Variants in INPP4B observed in about 807,000 individuals in gnomAD.
INPP4B encodes the protein inositol polyphosphate 4-phosphatase type II.
Under a neutral mutation model 122.5 loss-of-function variants are expected in INPP4B, and 55 were observed. The ratio of observed to expected loss-of-function variants is 0.45; its 90% confidence interval spans 0.36 to 0.56. INPP4B has a LOEUF of 0.56. INPP4B is among the 20% of genes least tolerant of loss of function. INPP4B has a pLI of 0.00. For synonymous variants in INPP4B, 403 were observed against 388.7 expected, an observed-to-expected ratio of 1.04 and a Z score of -0.43; for missense variants, 1,000 against 1,097.7, an observed-to-expected ratio of 0.91 and a Z score of 1.26.
chr4:142,224,661 T>C (rs954825877), intron 12 of INPP4B, among the ~76,000 whole-genome samples: 2 of 152,128 alleles, frequency 1.3e-5, no homozygotes, highest in Non-Finnish European at 2.9e-5. Flanking sequence ...TAATATGAAA[T>C]GATAAAAATA....
intron 7 of INPP4B, among the ~76,000 whole-genome samples, chr4:142,322,953 T>G (rs531808070): frequency 2.0e-5 from 3 of 152,294 alleles, no homozygotes; most frequent in African/African-American, 7.2e-5. Flanking sequence ...AAAGAACTAT[T>G]GCTATAAAAT....
At chr4:142,803,964 C>A (rs1182489141) in intron 1 of INPP4B, among the ~76,000 whole-genome samples, 1 of 151,848 alleles carries the variant, frequency 6.6e-6, no homozygotes, top group African/African-American at 2.4e-5. Context: ...GAGGCTGAAG[C>A]AGGAGAATCG....
chr4:142,067,563 A>G (rs1213280280), intron 25 of INPP4B, among the ~76,000 whole-genome samples: 1 of 152,190 alleles, frequency 6.6e-6, no homozygotes, highest in Non-Finnish European at 1.5e-5. Flanking sequence ...AACCCATTGC[A>G]AGGAAGCTAA....
At chr4:142,096,616 T>C (rs1281542430) in intron 23 of INPP4B, among the ~76,000 whole-genome samples, 1 of 152,178 alleles carries the variant, frequency 6.6e-6, no homozygotes, top group African/African-American at 2.4e-5. Flanking sequence ...GAAGTGCTTC[T>C]AAAGATAGTA....
In INPP4B at chr4:142,112,643, C is replaced by T. The variant is rs762184783; in HGVS notation, c.2175G>A (p.Met725Ile). Residue 725 changes from methionine (M) to isoleucine (I), a missense_variant, in exon 22 of 26, where the codon ATG (methionine) becomes ATA (isoleucine). Coordinates refer to ENST00000262992, the MANE Select transcript of INPP4B (RefSeq NM_001101669.3). ...YVVEVKLPAR[M>I]FESLPLQIKE... ...TAATCTGTAGAGGTAGTGACTCAAA[C>T]ATTCTGGCTGGAAGCTTGACCTCTA... 5.0e-6 allele frequency: 8 copies of T among 1,612,884 alleles called. No homozygotes were observed. In the African/African-American group the frequency reaches 5.3e-5, roughly 11 times the overall value.
chr4:142,519,577 G>C (rs974281250), intron 2 of INPP4B, among the ~76,000 whole-genome samples: 3 of 152,068 alleles, frequency 2.0e-5, no homozygotes, highest in African/African-American at 7.2e-5. Context: ...GCTGTAGCAG[G>C]ACAGTTTAAA....
At chr4:142,040,762 G>A (rs1746945017) in intron 25 of INPP4B, among the ~76,000 whole-genome samples, 1 of 152,166 alleles carries the variant, frequency 6.6e-6, no homozygotes, top group Non-Finnish European at 1.5e-5. Context: ...ATAAAAGGAA[G>A]GAGACTAGTG....
At chr4:142,761,203 T>A (rs1409842522) in intron 1 of INPP4B, among the ~76,000 whole-genome samples, 1 of 151,578 alleles carries the variant, frequency 6.6e-6, no homozygotes, top group Admixed American at 6.6e-5. Context: ...CTAAAAAATA[T>A]CCACACCTTA....
At chr4:142,761,694 TAG>T (rs1405400943) in intron 1 of INPP4B, among the ~76,000 whole-genome samples, 2 of 152,140 alleles carry the variant, frequency 1.3e-5, no homozygotes, top group Non-Finnish European at 2.9e-5. Context: ...TTGACAGAAA[TAG>T]AAAGATTGCA....
chr4:142,737,528 A>T (rs1183187612), intron 1 of INPP4B, among the ~76,000 whole-genome samples: 3 of 152,108 alleles, frequency 2.0e-5, no homozygotes, highest in Non-Finnish European at 4.4e-5. Context: ...AACCTAGGCA[A>T]TACCATTCAG....
chr4:142,484,420 G>A (rs1272576751), intron 2 of INPP4B, among the ~76,000 whole-genome samples: 1 of 151,910 alleles, frequency 6.6e-6, no homozygotes, highest in Non-Finnish European at 1.5e-5. Flanking sequence ...TTATCTTTAA[G>A]GTTGAAAGCC....
At chr4:142,444,006 C>T (rs1418914344) in intron 3 of INPP4B, among the ~76,000 whole-genome samples, 1 of 152,002 alleles carries the variant, frequency 6.6e-6, no homozygotes, top group East Asian at 1.9e-4. Flanking sequence ...AGGGAATATG[C>T]TAAAAACTCT....
chr4:142,073,802 T>G (rs530119436), intron 25 of INPP4B, among the ~76,000 whole-genome samples: 1 of 152,198 alleles, frequency 6.6e-6, no homozygotes, highest in Admixed American at 6.6e-5. Context: ...TTGGCATAAC[T>G]GCTCTCCATA....
At chr4:142,790,949 C>T (rs1175397081) in intron 1 of INPP4B, among the ~76,000 whole-genome samples, 1 of 152,042 alleles carries the variant, frequency 6.6e-6, no homozygotes, top group Non-Finnish European at 1.5e-5. Context: ...CAAACACAAA[C>T]TCCATTGCAA....
chr4:142,319,363 G>GA (rs1355588186), intron 7 of INPP4B, among the ~76,000 whole-genome samples: 11 of 152,014 alleles, frequency 7.2e-5, no homozygotes, highest in East Asian at 1.9e-4. Flanking sequence ...TTCTTTAAAA[G>GA]AAAAAAGAAA....
At chr4:142,331,982 A>T (rs1004263864) in intron 7 of INPP4B, among the ~76,000 whole-genome samples, 1 of 152,196 alleles carries the variant, frequency 6.6e-6, no homozygotes, top group Admixed American at 6.5e-5. Context: ...GCTCATAACC[A>T]GGGTTTCTGT....
chr4:142,177,727 G>T (rs1172030822), intron 15 of INPP4B, among the ~76,000 whole-genome samples: 1 of 151,900 alleles, frequency 6.6e-6, no homozygotes. Flanking sequence ...ACGTTTGTGT[G>T]TGTATATGTT....
At chr4:142,650,697 A>G (rs1580621832) in intron 2 of INPP4B, among the ~76,000 whole-genome samples, 1 of 152,200 alleles carries the variant, frequency 6.6e-6, no homozygotes, top group Non-Finnish European at 1.5e-5. Context: ...TGCACCCAAC[A>G]CAGGAGCACC....
intron 13 of INPP4B, 137 bp downstream of exon 13, chr4:142,208,759 G>T: frequency 4.7e-6 from 3 of 641,046 alleles, no homozygotes; most frequent in Non-Finnish European, 7.0e-6. Flanking sequence ...GTTTTAAGAT[G>T]TTAAAGTTAG....
Sources: allele counts gnomAD v4.1 joint callset (sites outside exome capture counted in the v4.1 genomes callset), GRCh38; gene constraint gnomAD v4.1.1; transcripts MANE v1.5; gene names NCBI Gene and HGNC (gene_info 2026-07-23, HGNC 2026-07-21).